UBE2O: variants seen among roughly 807,000 people sequenced by gnomAD.
UBE2O encodes the protein (E3-independent) E2 ubiquitin-conjugating enzyme.
A neutral mutation model predicts 125.8 loss-of-function variants in UBE2O; 15 were observed. That is an observed-to-expected ratio of 0.12 (90% CI 0.08 to 0.18). The LOEUF (loss-of-function observed/expected upper bound fraction) is 0.18. UBE2O is among the 10% of genes least tolerant of loss of function. The pLI, the probability that UBE2O is intolerant of heterozygous loss-of-function variation, is 1.00. For missense variants in UBE2O, 1,280 were observed against 1,723.6 expected (o/e 0.74, Z 4.56); for synonymous variants, 708 against 703.2 (o/e 1.01, Z -0.11).
intron 1 of UBE2O, among the ~76,000 whole-genome samples, chr17:76,421,906 C>T (rs112760762): frequency 4.6e-5 from 7 of 152,134 alleles, no homozygotes; most frequent in African/African-American, 1.2e-4. Context: ...GACAAGATGA[C>T]GCCACCAGAC....
intron 1 of UBE2O, among the ~76,000 whole-genome samples, chr17:76,443,939 G>A (rs765291512): frequency 3.9e-5 from 6 of 152,224 alleles, no homozygotes; most frequent in Non-Finnish European, 7.3e-5. Flanking sequence ...GGGCATGGTC[G>A]GCCAGGCGCG....
At position 76,416,037 on chromosome 17, in the gene UBE2O, G is replaced by A. The variant is rs867917083; in HGVS notation, c.418-10465C>T. Among the ~76,000 whole-genome samples the A allele has an allele frequency of 3.0e-5, 4 of 134,518 alleles. No homozygotes were observed. In the East Asian group the frequency reaches 7.5e-4, roughly 25 times the overall value. The allele number at this position is 134,518 out of a possible 152,430, so 88.2% of individuals were successfully genotyped here. A position where few individuals can be genotyped will look rare whatever the true frequency, so the allele number is the denominator to read the frequency against. On this transcript the variant is annotated intron_variant, in intron 1 of 17. Coordinates refer to ENST00000319380, the MANE Select transcript of UBE2O (RefSeq NM_022066.4). ...TACATATGTACACACACGTATATAT[G>A]TGTGTGTACATATGTACATACACGT...
At chr17:76,415,619 A>G (rs1338058221) in intron 1 of UBE2O, among the ~76,000 whole-genome samples, 1 of 152,206 alleles carries the variant, frequency 6.6e-6, no homozygotes, top group African/African-American at 2.4e-5. Flanking sequence ...AGCCTGGCCA[A>G]CATGGTGAAA....
rs1028855917 is a variant in UBE2O at position 76,404,771 on chromosome 17, G to A, written c.588+435C>T. Among the ~76,000 whole-genome samples the A allele has an allele frequency of 6.6e-6, 1 of 152,134 alleles. No individual in the cohort carries two copies. The highest frequency in any genetic ancestry group is 1.5e-5 in the Non-Finnish European group (1 of 68,032). Reference sequence around the variant, plus strand: ...GTTTTGGGAAGAAAAAAGACCGGAGGGGGATCTCGGGGAAAAGGAGGGAGG... The same window carrying A: ...GTTTTGGGAAGAAAAAAGACCGGAGAGGGATCTCGGGGAAAAGGAGGGAGG... On this transcript the variant is annotated intron_variant, in intron 3 of 17. Transcript: ENST00000319380. The surrounding 1 kb of genome is among the most constrained non-coding windows in gnomAD (Gnocchi z 4.3).
Position 76,402,586 on chromosome 17 carries a change from G to C in UBE2O, c.686+16C>G, listed in dbSNP as rs1382809113. ...ATCCTTCCCAAGCCGATGGCTCTCT[G>C]GTGGTGAGACTCTACCTGGCGCCGT... On this transcript the variant is annotated intron_variant, in intron 4 of 17. Coordinates refer to ENST00000319380, the MANE Select transcript of UBE2O (RefSeq NM_022066.4). The surrounding 1 kb of genome is among the most constrained non-coding windows in gnomAD (Gnocchi z 5.4). The C allele has an allele frequency of 6.2e-7, 1 of 1,608,628 alleles. No homozygotes were observed. Among genetic ancestry groups the C allele is most frequent in the African/African-American group, 1.3e-5 (1 of 74,788 alleles).
intron 1 of UBE2O, among the ~76,000 whole-genome samples, chr17:76,432,634 AG>A (rs2072923703): frequency 6.6e-6 from 1 of 152,202 alleles, no homozygotes; most frequent in South Asian, 2.1e-4. Context: ...CAAAATGGCT[AG>A]CACAGATCCC....
chr17:76,402,630 T>G lies in UBE2O; in HGVS notation c.658A>C (p.Ile220Leu), dbSNP rs1278758760. The G allele has an allele frequency of 6.2e-7, 1 of 1,614,038 alleles. No individual in the cohort carries two copies. Residue 220 changes from isoleucine (I) to leucine (L), a missense_variant, in exon 4 of 18, where the codon ATC becomes CTC. Around this residue, in one of 10 missense-constraint regions of UBE2O, gnomAD observed 206 missense variants for 315.7 expected, o/e 0.65. Coordinates refer to ENST00000319380, the MANE Select transcript of UBE2O (RefSeq NM_022066.4). The surrounding 1 kb of genome is among the most constrained non-coding windows in gnomAD (Gnocchi z 5.4). ...GCGCCGTTGGATAGCTTCAGGATGA[T>G]CTGGTTCTTCAAGTCGTAGACCTTC... ...LGKVYDLKNQ[I>L]ILKLSNGARC...
At chr17:76,422,461 C>G (rs980336535) in intron 1 of UBE2O, among the ~76,000 whole-genome samples, 2 of 152,202 alleles carry the variant, frequency 1.3e-5, no homozygotes, top group Admixed American at 6.5e-5. Flanking sequence ...TTCAGTTGTT[C>G]CCTCGCCCAT....
chr17:76,397,973 C>G, intron 12 of UBE2O, 85 bp from the exon 13 acceptor site: 1 of 1,433,020 alleles, frequency 7.0e-7, no homozygotes, highest in East Asian at 2.3e-5. Context: ...TGACTGACAT[C>G]ATGCCCACCT....
intron 1 of UBE2O, among the ~76,000 whole-genome samples, chr17:76,431,408 T>C (rs2072904604): frequency 6.6e-6 from 1 of 152,014 alleles, no homozygotes; most frequent in Non-Finnish European, 1.5e-5. Context: ...CCCAGCTACT[T>C]GGGAGGCTGA....
intron 1 of UBE2O, among the ~76,000 whole-genome samples, chr17:76,415,368 A>G (rs1381364375): frequency 1.3e-5 from 2 of 152,182 alleles, no homozygotes; most frequent in African/African-American, 4.8e-5. Context: ...GGCTTGGAGA[A>G]GTAAGTGAGC....
intron 1 of UBE2O, among the ~76,000 whole-genome samples, chr17:76,428,390 G>C (rs953573561): frequency 3.3e-5 from 5 of 152,170 alleles, no homozygotes; most frequent in African/African-American, 1.2e-4. Context: ...CTAGATGTCA[G>C]ACGTTTTTAA....
chr17:76,427,202 T>C (rs1019933094), intron 1 of UBE2O, among the ~76,000 whole-genome samples: 1 of 152,202 alleles, frequency 6.6e-6, no homozygotes, highest in Non-Finnish European at 1.5e-5. Flanking sequence ...CTCTTTTATC[T>C]CTGCAGAATT....
chr17:76,399,885 T>C lies in UBE2O; in HGVS notation c.1192A>G (p.Met398Val). ...CACTGGGTGTCTGGGGAGCATGACA[T>C]GATCCGCACAACCTGCTTCTTCAAC... ...RLLKKQVVRIMSCSPDTQCSR... is the reference protein window; with the variant it reads ...RLLKKQVVRIVSCSPDTQCSR... The change falls in exon 9 of 18, where the codon ATG becomes GTG. Residue 398 changes from methionine (M) to valine (V), a missense_variant. Transcript: ENST00000319380. The surrounding 1 kb of genome is among the most constrained non-coding windows in gnomAD (Gnocchi z 6.9). 1 of 1,612,052 alleles carries C rather than the reference T, an allele frequency of 6.2e-7. No homozygotes were observed. The highest frequency in any genetic ancestry group is 1.1e-5 in the South Asian group (1 of 90,670).
At chr17:76,420,098 C>T (rs2072684333) in intron 1 of UBE2O, among the ~76,000 whole-genome samples, 1 of 152,164 alleles carries the variant, frequency 6.6e-6, no homozygotes, top group Admixed American at 6.5e-5. Flanking sequence ...CAGCAGTGGC[C>T]CCCTTCGCAC....
chr17:76,397,952 G>T, intron 12 of UBE2O, 64 bp from the exon 13 acceptor site: 2 of 1,537,228 alleles, frequency 1.3e-6, no homozygotes, highest in Non-Finnish European at 1.8e-6. Context: ...AGCCCCTCCT[G>T]TGCTCTGCAG....
chr17:76,407,090 AT>A (rs1326623350), intron 1 of UBE2O, among the ~76,000 whole-genome samples: 1 of 152,178 alleles, frequency 6.6e-6, no homozygotes, highest in African/African-American at 2.4e-5. Flanking sequence ...TCCTGCCGAC[AT>A]GTGGAAGGAG....
At chr17:76,414,581 C>T (rs2072568282) in intron 1 of UBE2O, among the ~76,000 whole-genome samples, 1 of 152,242 alleles carries the variant, frequency 6.6e-6, no homozygotes, top group South Asian at 2.1e-4. Context: ...CGCAGACTCT[C>T]AGGCTGGGCA....
At chr17:76,441,824 A>G (rs1025814271) in intron 1 of UBE2O, among the ~76,000 whole-genome samples, 2 of 152,136 alleles carry the variant, frequency 1.3e-5, no homozygotes, top group African/African-American at 4.8e-5. Context: ...TCTACTTTCA[A>G]TAGATGGTTC....
Sources: gnomAD v4.1 joint callset for allele counts (sites outside exome capture counted in the v4.1 genomes callset) on GRCh38, gnomAD v4.1.1 for gene constraint, gnomAD v4.1.1 regional missense constraint, Gnocchi (gnomAD v3.1) non-coding constraint, MANE v1.5 for transcripts, NCBI Gene and HGNC (gene_info 2026-07-23, HGNC 2026-07-21) for gene names.